The following SEMA3E variants were observed in gnomAD, a reference collection of about 807,000 sequenced individuals.
The protein encoded by SEMA3E is semaphorin-3E.
In SEMA3E, 49 loss-of-function variants were observed where a neutral mutation model predicts 93.6. The ratio of observed to expected loss-of-function variants is 0.52; its 90% CI spans 0.42 to 0.66. SEMA3E has a LOEUF of 0.66. Ranked by LOEUF, SEMA3E falls within the 30% of genes least tolerant of loss-of-function variation. The probability of loss-of-function intolerance (pLI) is 0.00; values close to 1 mark genes in which losing one functional copy is unlikely to be tolerated. For missense variants in SEMA3E, 906 were observed against 964.8 expected, an observed-to-expected ratio of 0.94 and a Z score of 0.81; for synonymous variants, 363 against 330.7, an observed-to-expected ratio of 1.10 and a Z score of -1.06.
intron 1 of SEMA3E, among the ~76,000 whole-genome samples, chr7:83,638,315 C>A (rs2115698674): frequency 6.6e-6 from 1 of 152,254 alleles, no homozygotes; most frequent in East Asian, 1.9e-4. Context: ...TAATACAGGC[C>A]ATGACCAAGA....
chr7:83,469,054 T>A (rs962982636), intron 3 of SEMA3E, among the ~76,000 whole-genome samples, 189 bp downstream of exon 3: 3 of 152,218 alleles, frequency 2.0e-5, no homozygotes, highest in African/African-American at 7.2e-5. Context: ...CAATGGCATC[T>A]CTGCTTCAAC....
chr7:83,446,637 C>T (rs1005888041), intron 4 of SEMA3E, among the ~76,000 whole-genome samples: 3 of 152,148 alleles, frequency 2.0e-5, no homozygotes, highest in African/African-American at 7.2e-5. Context: ...ACAATTGTTA[C>T]CAACGTTAAA....
intron 1 of SEMA3E, among the ~76,000 whole-genome samples, chr7:83,493,577 G>T (rs1292896003): frequency 6.6e-6 from 1 of 151,760 alleles, no homozygotes; most frequent in Non-Finnish European, 1.5e-5. Flanking sequence ...ACAGACTATA[G>T]TTTTCTTTAA....
chr7:83,370,447 T>C (rs965768987), intron 16 of SEMA3E, among the ~76,000 whole-genome samples: 10 of 152,130 alleles, frequency 6.6e-5, no homozygotes, highest in African/African-American at 2.4e-4. Flanking sequence ...GTGGTGACCC[T>C]TAAAACACCC....
chr7:83,603,777 C>A (rs1793046770), intron 1 of SEMA3E, among the ~76,000 whole-genome samples: 1 of 152,104 alleles, frequency 6.6e-6, no homozygotes, highest in African/African-American at 2.4e-5. Flanking sequence ...GCTTTGCATT[C>A]TTCTAAAATA....
intron 1 of SEMA3E, among the ~76,000 whole-genome samples, chr7:83,596,942 TC>T (rs1792888468): frequency 6.6e-6 from 1 of 152,164 alleles, no homozygotes; most frequent in Non-Finnish European, 1.5e-5. Flanking sequence ...TCCTCTTCCA[TC>T]AGTCATTTGA....
At chr7:83,475,468 A>T (rs1789990450) in intron 2 of SEMA3E, among the ~76,000 whole-genome samples, 2 of 152,124 alleles carry the variant, frequency 1.3e-5, no homozygotes. Flanking sequence ...CTCCCCCTAG[A>T]CAAAGTTTAG....
chr7:83,605,209 T>G (rs1463416138), intron 1 of SEMA3E, among the ~76,000 whole-genome samples: 1 of 152,156 alleles, frequency 6.6e-6, no homozygotes, highest in Non-Finnish European at 1.5e-5. Flanking sequence ...ATCACCACAA[T>G]GTCTTCCACA....
intron 1 of SEMA3E, among the ~76,000 whole-genome samples, chr7:83,621,003 G>A (rs1378963389): frequency 6.6e-6 from 1 of 151,946 alleles, no homozygotes; most frequent in African/African-American, 2.4e-5. Context: ...AGGGAAATCA[G>A]GGAACATAAA....
chr7:83,373,767 GA>G (rs1794781449), intron 16 of SEMA3E, among the ~76,000 whole-genome samples: 1 of 152,056 alleles, frequency 6.6e-6, no homozygotes, highest in African/African-American at 2.4e-5. Context: ...ATGTCTAGAA[GA>G]GGCAAAAGAG....
intron 1 of SEMA3E, among the ~76,000 whole-genome samples, chr7:83,640,827 C>T (rs1793994361): frequency 6.6e-6 from 1 of 151,836 alleles, no homozygotes; most frequent in African/African-American, 2.4e-5. Context: ...TGGTGCCAGC[C>T]TCACAAAGGG....
rs374107408 is a variant in SEMA3E, at chr7:83,606,067, C to T, written c.115+42361G>A. Among the ~76,000 whole-genome samples, 16 of 152,272 alleles carry T rather than the reference C, an allele frequency of 1.1e-4. No individual in the cohort carries two copies. In the East Asian group the frequency reaches 2.9e-3, roughly 28 times the overall value. On this transcript the variant is annotated intron_variant, in intron 1 of 16. Coordinates refer to ENST00000643230, the MANE Select transcript of SEMA3E (RefSeq NM_012431.3). The stretch of plus-strand genomic sequence containing the variant: ...ATTTTGAAATCCAGAATCCCAATTA[C>T]CCTTCCGTAAGCAGCAATCATTACA...
intron 11 of SEMA3E, 36 bp from the exon 12 acceptor site, chr7:83,396,765 TATGTCAC>T (rs1326075342): frequency 6.3e-6 from 9 of 1,421,496 alleles, no homozygotes; most frequent in Non-Finnish European, 8.8e-6. Flanking sequence ...AACTAGAATC[TATGTCAC>T]AGTACGGTTT....
chr7:83,446,852 A>G (rs1319743706), intron 4 of SEMA3E, among the ~76,000 whole-genome samples: 1 of 152,160 alleles, frequency 6.6e-6, no homozygotes, highest in African/African-American at 2.4e-5. Context: ...TCCCTTGTGA[A>G]GTGTTATGAG....
At chr7:83,393,601 A>G (rs1788063248) in intron 13 of SEMA3E, among the ~76,000 whole-genome samples, 1 of 152,190 alleles carries the variant, frequency 6.6e-6, no homozygotes, top group Admixed American at 6.6e-5. Flanking sequence ...AAATATTGAC[A>G]TATAACATTT....
chr7:83,597,459 T>G (rs932921386), intron 1 of SEMA3E, among the ~76,000 whole-genome samples: 2 of 152,212 alleles, frequency 1.3e-5, no homozygotes, highest in Admixed American at 1.3e-4. Flanking sequence ...ATCAAATCAA[T>G]GCTCTGTATT....
At chr7:83,402,012 T>C (rs1411833316) in intron 10 of SEMA3E, among the ~76,000 whole-genome samples, 1 of 152,056 alleles carries the variant, frequency 6.6e-6, no homozygotes, top group Non-Finnish European at 1.5e-5. Context: ...CTAAGAAGAA[T>C]CTTAATAGTA....
intron 1 of SEMA3E, among the ~76,000 whole-genome samples, chr7:83,557,154 T>C (rs1171969875): frequency 6.6e-6 from 1 of 152,136 alleles, no homozygotes; most frequent in Non-Finnish European, 1.5e-5. Flanking sequence ...AAAAGTCTTA[T>C]GTCAAAGTAT....
chr7:83,465,143 A>G (rs1351291862), intron 4 of SEMA3E, among the ~76,000 whole-genome samples: 2 of 151,998 alleles, frequency 1.3e-5, no homozygotes, highest in Non-Finnish European at 2.9e-5. Flanking sequence ...CTCCTGGCTC[A>G]TCCTGGCTCA....
Sources: gnomAD v4.1 joint callset for allele counts (sites outside exome capture counted in the v4.1 genomes callset) on GRCh38, gnomAD v4.1.1 for gene constraint, MANE v1.5 for transcripts, NCBI Gene and HGNC (gene_info 2026-07-23, HGNC 2026-07-21) for gene names.